The following PPP2R2B variants were observed in gnomAD, a reference collection of about 807,000 sequenced individuals.
The protein encoded by PPP2R2B is protein phosphatase 2 regulatory subunit Bbeta.
Under a neutral mutation model 46.0 loss-of-function variants are expected in PPP2R2B, and 5 were observed. The observed-to-expected ratio is 0.11, with a 90% CI of 0.06 to 0.23. The LOEUF (loss-of-function observed/expected upper bound fraction) is 0.23, where lower values mean the gene tolerates loss of function less well. Among genes scored for constraint, PPP2R2B ranks in the 10% least tolerant of loss-of-function variants. The pLI is 1.00. For missense variants in PPP2R2B, 367 were observed against 575.0 expected (o/e 0.64, Z 3.70); for synonymous variants, 215 against 206.7 (o/e 1.04, Z -0.34).
At chr5:146,643,364 A>G (rs1262072361) in intron 6 of PPP2R2B, among the ~76,000 whole-genome samples, 1 of 152,200 alleles carries the variant, frequency 6.6e-6, no homozygotes, top group Non-Finnish European at 1.5e-5. Context: ...CCTATATTCT[A>G]GTAGGGAACA....
intron 2 of PPP2R2B, among the ~76,000 whole-genome samples, chr5:146,791,846 T>C (rs1756221893): frequency 1.3e-5 from 2 of 152,184 alleles, no homozygotes; most frequent in Admixed American, 6.5e-5. Flanking sequence ...AATAATCCCC[T>C]GACTTTCCCT....
intron 8 of PPP2R2B, among the ~76,000 whole-genome samples, chr5:146,596,982 A>G (rs1179304815): frequency 6.6e-6 from 1 of 152,170 alleles, no homozygotes; most frequent in African/African-American, 2.4e-5. Flanking sequence ...AAGACACTCA[A>G]GTGGTAGCTA....
At chr5:146,935,979 G>A (rs1275944175) in intron 1 of PPP2R2B, among the ~76,000 whole-genome samples, 1 of 152,156 alleles carries the variant, frequency 6.6e-6, no homozygotes, top group East Asian at 1.9e-4. Flanking sequence ...AGGATTGCTT[G>A]GAAAATTAAA....
chr5:146,645,176 T>C (rs901821802), intron 6 of PPP2R2B, among the ~76,000 whole-genome samples: 3 of 152,244 alleles, frequency 2.0e-5, no homozygotes, highest in African/African-American at 4.8e-5. Flanking sequence ...ATGAGTGTGA[T>C]TTCCTTTTAG....
intron 8 of PPP2R2B, among the ~76,000 whole-genome samples, chr5:146,598,305 C>T (rs911749435): frequency 6.6e-6 from 1 of 152,194 alleles, no homozygotes; most frequent in African/African-American, 2.4e-5. Context: ...CTCTATTTGG[C>T]TTCCTAGTCA....
rs888295718 is a variant in PPP2R2B at position 146,927,537 on chromosome 5, C to G, written c.79+128128G>C. ...TGCCATCTATCCTTAGGCTTGTGGC[C>G]TTTCCTGCAGGCAAGGAGTGGTGGA... On this transcript the variant is annotated intron_variant, in intron 1 of 8. Transcript: ENST00000336640. Among the ~76,000 whole-genome samples, 12 of 152,148 alleles carry G rather than the reference C, an allele frequency of 7.9e-5. 1 individual carries two copies. The highest frequency in any genetic ancestry group is 1.6e-4 in the Non-Finnish European group (11 of 68,028).
rs574033189 is a variant in PPP2R2B, at chr5:146,931,907, C to T, written c.79+123758G>A. ...TAAAAGAGAATTGTGTGTGAGTGCA[C>T]GCATGGCATATGTGTGGATGCATGC... On this transcript the variant is annotated intron_variant, in intron 1 of 8. Transcript: ENST00000336640. Among the ~76,000 whole-genome samples, 123 of 152,222 alleles carry T rather than the reference C, an allele frequency of 8.1e-4. 1 individual carries two copies. The South Asian group carries it at 0.025, about 31-fold the overall frequency.
chr5:146,932,211 T>G (rs1185506423), intron 1 of PPP2R2B, among the ~76,000 whole-genome samples: 1 of 152,142 alleles, frequency 6.6e-6, no homozygotes, highest in African/African-American at 2.4e-5. Flanking sequence ...CAAGGCCTAT[T>G]GTATTTAAGG....
intron 1 of PPP2R2B, among the ~76,000 whole-genome samples, chr5:147,011,213 G>A (rs1367668317): frequency 6.6e-6 from 1 of 151,828 alleles, no homozygotes; most frequent in East Asian, 1.9e-4. Context: ...TTTTCACATC[G>A]TTTATTTTCT....
In PPP2R2B at chr5:146,618,529, G is replaced by A. The variant is rs374425121; in HGVS notation, c.791-18069C>T. On this transcript the variant is annotated intron_variant, in intron 7 of 9. Coordinates refer to ENST00000394411, the MANE Select transcript of PPP2R2B (RefSeq NM_181675.4). ...CAGTGATAGAAAACTATCCTCCTCC[G>A]TTTGTCAACAAAGGGAGGGCTCAAA... Among the ~76,000 whole-genome samples the A allele has an allele frequency of 1.3e-3, 204 of 152,272 alleles. 1 individual carries two copies. The highest frequency in any genetic ancestry group is 3.9e-3 in the African/African-American group (163 of 41,566).
At chr5:146,776,360 A>G (rs528462359) in intron 2 of PPP2R2B, among the ~76,000 whole-genome samples, 1 of 152,218 alleles carries the variant, frequency 6.6e-6, no homozygotes, top group South Asian at 2.1e-4. Flanking sequence ...TCTATGGTCA[A>G]ATGATTTTCT....
intron 2 of PPP2R2B, among the ~76,000 whole-genome samples, chr5:146,719,923 G>C (rs1780703170): frequency 6.6e-6 from 1 of 152,058 alleles, no homozygotes; most frequent in South Asian, 2.1e-4. Flanking sequence ...ACTTGAGTGG[G>C]GAAGCAGCTG....
chr5:146,620,350 A>G (rs550029534), intron 7 of PPP2R2B, among the ~76,000 whole-genome samples: 12 of 152,184 alleles, frequency 7.9e-5, no homozygotes, highest in African/African-American at 2.6e-4. Context: ...GCCAAGCGGG[A>G]CTGGTGCCTT....
At chr5:146,932,368 C>T (rs952428725) in intron 1 of PPP2R2B, among the ~76,000 whole-genome samples, 2 of 152,272 alleles carry the variant, frequency 1.3e-5, no homozygotes, top group Non-Finnish European at 2.9e-5. Flanking sequence ...CCCCACATGT[C>T]GTGGGAGGGT....
intron 2 of PPP2R2B, among the ~76,000 whole-genome samples, chr5:146,834,864 G>A (rs1468556872): frequency 6.6e-6 from 1 of 152,142 alleles, no homozygotes; most frequent in African/African-American, 2.4e-5. Context: ...TTATAAGTAA[G>A]AACATGCAGT....
chr5:146,748,694 G>A (rs760969222), intron 2 of PPP2R2B, among the ~76,000 whole-genome samples: 31 of 152,102 alleles, frequency 2.0e-4, no homozygotes, highest in Non-Finnish European at 3.4e-4. Context: ...TCAGATTGTT[G>A]ATTGTATCAA....
intron 2 of PPP2R2B, among the ~76,000 whole-genome samples, chr5:147,070,653 A>G (rs1580883104): frequency 1.3e-5 from 2 of 152,194 alleles, no homozygotes; most frequent in East Asian, 1.9e-4. Flanking sequence ...AACAAGGCCA[A>G]TGACCCACCA....
chr5:146,908,973 T>G (rs1334380896), intron 1 of PPP2R2B, among the ~76,000 whole-genome samples: 1 of 152,116 alleles, frequency 6.6e-6, no homozygotes, highest in Non-Finnish European at 1.5e-5. Context: ...GATCGTGTTT[T>G]TCATCCTGGG....
At chr5:146,726,067 C>T (rs1751843528) in intron 2 of PPP2R2B, among the ~76,000 whole-genome samples, 2 of 152,070 alleles carry the variant, frequency 1.3e-5, no homozygotes, top group African/African-American at 4.8e-5. Context: ...ATAGTCAGTC[C>T]TACCTGGAGC....
Sources: gnomAD v4.1 joint callset for allele counts (sites outside exome capture counted in the v4.1 genomes callset) on GRCh38, gnomAD v4.1.1 for gene constraint, MANE v1.5 for transcripts, NCBI Gene and HGNC (gene_info 2026-07-23, HGNC 2026-07-21) for gene names.